NQO1: variants seen among roughly 807,000 people sequenced by gnomAD.
NQO1 encodes the protein NAD(P)H quinone dehydrogenase 1.
A neutral mutation model predicts 32.1 loss-of-function variants in NQO1; 30 were observed. The observed-to-expected ratio is 0.94, with a 90% CI of 0.70 to 1.27. NQO1 has a LOEUF of 1.27. Ranked by LOEUF, NQO1 falls within the 50% of genes most tolerant of loss-of-function variation. The probability of loss-of-function intolerance (pLI) is 0.00; values close to 1 mark genes in which losing one functional copy is unlikely to be tolerated. For synonymous variants in NQO1, 109 were observed against 119.7 expected, an observed-to-expected ratio of 0.91 and a Z score of 0.59; for missense variants, 276 against 331.3, an observed-to-expected ratio of 0.83 and a Z score of 1.30.
intron 1 of NQO1, among the ~76,000 whole-genome samples, chr16:69,724,300 G>A (rs374527031): frequency 2.1e-5 from 3 of 146,208 alleles, no homozygotes; most frequent in African/African-American, 7.6e-5. Flanking sequence ...GCAACAGAGT[G>A]AGTGAGACTC....
chr16:69,715,557 C>T (rs2038101993), intron 3 of NQO1, among the ~76,000 whole-genome samples: 1 of 152,194 alleles, frequency 6.6e-6, no homozygotes, highest in African/African-American at 2.4e-5. Context: ...CACTTGAGGG[C>T]ATGAGTTTGA....
intron 3 of NQO1, among the ~76,000 whole-genome samples, chr16:69,716,956 A>AT (rs926058806): frequency 6.6e-5 from 10 of 151,384 alleles, no homozygotes; most frequent in Admixed American, 4.0e-4. Context: ...CTCCAATTTA[A>AT]TTTTTTTTTA....
chr16:69,713,556 T>G (rs45588934), intron 4 of NQO1, among the ~76,000 whole-genome samples: 5,260 of 152,302 alleles, frequency 0.035, 135 homozygotes, highest in South Asian at 0.077. Flanking sequence ...GGCCTTCTTT[T>G]GTTTTTATTA....
intron 4 of NQO1, among the ~76,000 whole-genome samples, chr16:69,713,697 T>C (rs1401269837): frequency 6.6e-6 from 1 of 151,970 alleles, no homozygotes; most frequent in Non-Finnish European, 1.5e-5. Flanking sequence ...TTTTATTTTA[T>C]TTTATTATTT....
At chr16:69,722,327 TA>T (rs1411860562) in intron 1 of NQO1, among the ~76,000 whole-genome samples, 5 of 152,038 alleles carry the variant, frequency 3.3e-5, no homozygotes, top group Admixed American at 6.6e-5. Context: ...CACGCCCGGC[TA>T]ATTTTTTGTA....
At chr16:69,725,359 A>G (rs560874196) in intron 1 of NQO1, among the ~76,000 whole-genome samples, 1 of 152,186 alleles carries the variant, frequency 6.6e-6, no homozygotes, top group African/African-American at 2.4e-5. Flanking sequence ...TCTAAATCTT[A>G]GTACTGTCCA....
chr16:69,723,887 TA>T (rs780004981), intron 1 of NQO1, among the ~76,000 whole-genome samples: 4 of 152,174 alleles, frequency 2.6e-5, no homozygotes, highest in Non-Finnish European at 2.9e-5. Context: ...TCCTGCCACT[TA>T]ACTAGCTGAG....
At chr16:69,724,180 G>A (rs1355878751) in intron 1 of NQO1, among the ~76,000 whole-genome samples, 1 of 152,104 alleles carries the variant, frequency 6.6e-6, no homozygotes, top group Non-Finnish European at 1.5e-5. Context: ...GGGCGTGGTG[G>A]TGGGCGCCTG....
chr16:69,726,304 C>T (rs906499644), intron 1 of NQO1, 129 bp downstream of exon 1: 6 of 1,313,654 alleles, frequency 4.6e-6, no homozygotes, highest in African/African-American at 4.4e-5. Flanking sequence ...CATCCCAGGT[C>T]CCTAATCTCT....
rs1248837550 is a variant in NQO1, at chr16:69,710,626, G to T, written c.*350C>A. 4.4e-6 allele frequency: 1 copy of T among 228,402 alleles called. No individual in the cohort carries two copies. The highest frequency in any genetic ancestry group is 2.3e-5 in the African/African-American group (1 of 43,412). The allele number at this position is 228,402 out of a possible 1,614,324, so 14.1% of individuals were successfully genotyped here. A position where few individuals can be genotyped will look rare whatever the true frequency, so the allele number is the denominator to read the frequency against. On this transcript the variant is annotated 3_prime_UTR_variant, in exon 6 of 6. Transcript: ENST00000320623. Reference sequence around the variant, plus strand: ...ATAAACTACAGAGAGGTGATTAATAGAACATTGGAGAGTTGAATGATACCT... The same window carrying T: ...ATAAACTACAGAGAGGTGATTAATATAACATTGGAGAGTTGAATGATACCT...
At chr16:69,726,381 C>A (rs1156706999) in intron 1 of NQO1, 52 bp downstream of exon 1, 8 of 1,608,422 alleles carry the variant, frequency 5.0e-6, no homozygotes, top group South Asian at 1.1e-5. Context: ...CCTCCACAGG[C>A]ACCAGTGCTC....
At chr16:69,716,916 A>G (rs974383030) in intron 3 of NQO1, among the ~76,000 whole-genome samples, 11 of 152,068 alleles carry the variant, frequency 7.2e-5, no homozygotes, top group Non-Finnish European at 2.9e-5. Context: ...ATGCCACTGC[A>G]CTCCATCCTG....
At chr16:69,712,283 G>T (rs2038051995) in intron 5 of NQO1, among the ~76,000 whole-genome samples, 1 of 148,626 alleles carries the variant, frequency 6.7e-6, no homozygotes, top group African/African-American at 2.5e-5. Flanking sequence ...CTTATATGTT[G>T]CCCAGGCTGG....
At chr16:69,712,232 C>T (rs1461981617) in intron 5 of NQO1, among the ~76,000 whole-genome samples, 2 of 151,882 alleles carry the variant, frequency 1.3e-5, no homozygotes, top group Non-Finnish European at 2.9e-5. Context: ...TGTATGACTA[C>T]ACCCAGCTAA....
At position 69,719,303 on chromosome 16, in the gene NQO1, A is replaced by T. The variant is rs184571366; in HGVS notation, c.8-769T>A. Among the ~76,000 whole-genome samples the T allele has an allele frequency of 3.5e-3, 533 of 152,334 alleles. 2 individuals carry two copies. Among genetic ancestry groups the T allele is most frequent in the African/African-American group, 0.012 (495 of 41,572 alleles). On this transcript the variant is annotated intron_variant, in intron 1 of 5. Transcript: ENST00000320623. ...AACTTTAAAGACACATAAATCTTTT[A>T]TCTCGCTCTCCAATTTGGGGGAATC...
intron 1 of NQO1, among the ~76,000 whole-genome samples, chr16:69,724,389 C>T (rs1416423234): frequency 6.6e-6 from 1 of 151,896 alleles, no homozygotes; most frequent in Non-Finnish European, 1.5e-5. Context: ...AGGAGCTTGC[C>T]ATTTGAGCTG....
intron 1 of NQO1, among the ~76,000 whole-genome samples, chr16:69,722,497 A>C (rs574112084): frequency 6.6e-6 from 1 of 152,260 alleles, no homozygotes; most frequent in African/African-American, 2.4e-5. Flanking sequence ...GAATAACTAG[A>C]AATAACTAAA....
At chr16:69,718,290 GCCAAAGCTGGGCCAGAGGAC>G (rs767800535) in intron 2 of NQO1, 37 bp from the exon 3 acceptor site, 206 of 1,613,432 alleles carry the variant, frequency 1.3e-4, no homozygotes, top group Admixed American at 5.7e-4. Context: ...GGCCAGAGGG[GCCAAAGCTGGGCCAGAGGAC>G]CCACAGGCAA....
At chr16:69,712,975 A>G (rs2038060359) in intron 5 of NQO1, 53 bp downstream of exon 5, 1 of 1,413,696 alleles carries the variant, frequency 7.1e-7, no homozygotes, top group Non-Finnish European at 9.9e-7. Flanking sequence ...CCTAGATGAC[A>G]GAGTGAGACT....
Sources: gnomAD v4.1 joint callset for allele counts (sites outside exome capture counted in the v4.1 genomes callset) on GRCh38, gnomAD v4.1.1 for gene constraint, MANE v1.5 for transcripts, NCBI Gene and HGNC (gene_info 2026-07-23, HGNC 2026-07-21) for gene names.